LZTFL1: variants seen among roughly 807,000 people sequenced by gnomAD.
LZTFL1 encodes leucine zipper transcription factor like 1, also known as leucine zipper transcription factor-like protein 1.
LZTFL1 carries 25 observed loss-of-function variants against 45.9 expected under a neutral mutation model. The ratio of observed to expected loss-of-function variants is 0.54; its 90% CI spans 0.40 to 0.76. LZTFL1 has a LOEUF of 0.76. Ranked by LOEUF, LZTFL1 falls within the 30% of genes least tolerant of loss-of-function variation. The pLI is 0.00. For synonymous variants in LZTFL1, 93 were observed against 117.4 expected (o/e 0.79, Z 1.35); for missense variants, 277 against 331.1 (o/e 0.84, Z 1.27).
chr3:45,898,085 G>A (rs1320078338), intron 2 of LZTFL1, among the ~76,000 whole-genome samples: 1 of 151,460 alleles, frequency 6.6e-6, no homozygotes, highest in Non-Finnish European at 1.5e-5. Flanking sequence ...TTCACAGTCG[G>A]TACTTGCTCA....
chr3:45,840,564 G>A (rs189086014), intron 1 of LZTFL1, among the ~76,000 whole-genome samples: 5 of 152,158 alleles, frequency 3.3e-5, no homozygotes, highest in Non-Finnish European at 7.4e-5. Context: ...ACAATGGGAG[G>A]TATCCAAGTG....
At chr3:45,910,629 T>G (rs899864672) in intron 2 of LZTFL1, among the ~76,000 whole-genome samples, 3 of 152,116 alleles carry the variant, frequency 2.0e-5, no homozygotes, top group African/African-American at 7.2e-5. Flanking sequence ...AGGTGAAACT[T>G]GTGTCAGGTT....
rs551432132 is a variant in LZTFL1, at chr3:45,889,339, C to CTAG, written c.-215+23778_-215+23780dup. Among the ~76,000 whole-genome samples, 151 of 152,178 alleles carry CTAG rather than the reference C, an allele frequency of 9.9e-4. 2 individuals carry two copies. The highest frequency in any genetic ancestry group is 1.5e-3 in the Non-Finnish European group (104 of 67,994). On this transcript the variant is annotated intron_variant, in intron 2 of 4. Coordinates refer to the LZTFL1 transcript ENST00000472635. Reference sequence around the variant, plus strand: ...AATAAAGAGAAACCTTTATAGAAAGCTAGTGTACAACTTAGTTGCATAAAG... The same window carrying CTAG: ...AATAAAGAGAAACCTTTATAGAAAGCTAGTAGTGTACAACTTAGTTGCATAAAG...
chr3:45,842,012 G>C lies in LZTFL1; in HGVS notation c.-21C>G, dbSNP rs567369146. 1 of 1,608,728 alleles carries C rather than the reference G, an allele frequency of 6.2e-7. No individual in the cohort carries two copies. Among genetic ancestry groups the C allele is most frequent in the South Asian group, 1.1e-5 (1 of 90,694 alleles). On this transcript the variant is annotated 5_prime_UTR_variant, in exon 1 of 10. Transcript: ENST00000296135. ...ACCATGGCGGCAGGCAGCGGCGGCA[G>C]CCTAAAGGAACGGGAGAGGCCAGGC...
At chr3:45,870,949 A>G (rs534340086) in intron 2 of LZTFL1, among the ~76,000 whole-genome samples, 198 of 152,360 alleles carry the variant, frequency 1.3e-3, no homozygotes, top group Admixed American at 2.6e-3. Flanking sequence ...ATACCATCAT[A>G]TTGAACATAC....
chr3:45,915,080 A>G (rs1702872031), intron 1 of LZTFL1, among the ~76,000 whole-genome samples: 1 of 152,098 alleles, frequency 6.6e-6, no homozygotes, highest in African/African-American at 2.4e-5. Context: ...TTGTCTTTCC[A>G]CATCAGCAGT....
chr3:45,858,010 TTAATGTCTGC>T (rs989300935), intron 3 of LZTFL1, among the ~76,000 whole-genome samples: 2 of 152,236 alleles, frequency 1.3e-5, no homozygotes, highest in Non-Finnish European at 2.9e-5. Context: ...AATGCTGGTT[TTAATGTCTGC>T]TAATTTTGTG....
chr3:45,845,603 T>A (rs568565244), upstream of LZTFL1, among the ~76,000 whole-genome samples: 2 of 152,318 alleles, frequency 1.3e-5, no homozygotes, highest in African/African-American at 4.8e-5. Flanking sequence ...AAAAGAGATA[T>A]ACTGACAGCT....
chr3:45,855,370 T>C (rs1701374982), intron 3 of LZTFL1, among the ~76,000 whole-genome samples: 1 of 152,232 alleles, frequency 6.6e-6, no homozygotes, highest in Non-Finnish European at 1.5e-5. Context: ...CATCTCTTCA[T>C]GTTAAAAACT....
intron 1 of LZTFL1, chr3:45,913,242 C>A: frequency 9.1e-7 from 1 of 1,094,890 alleles, no homozygotes; most frequent in South Asian, 1.4e-5. Flanking sequence ...CAAACCAGTG[C>A]TGCAATGAGC....
chr3:45,885,146 T>C (rs1169713910), intron 2 of LZTFL1, among the ~76,000 whole-genome samples: 4 of 151,954 alleles, frequency 2.6e-5, no homozygotes, highest in Non-Finnish European at 5.9e-5. Context: ...GAACTGAGGG[T>C]GATGAAGGGG....
intron 2 of LZTFL1, among the ~76,000 whole-genome samples, chr3:45,908,180 C>T (rs1229406713): frequency 1.3e-5 from 2 of 152,142 alleles, no homozygotes; most frequent in Admixed American, 6.5e-5. Flanking sequence ...GCAAGGGATG[C>T]TGTGCCAGTT....
In LZTFL1 at chr3:45,901,690, T is replaced by C; in HGVS notation, c.-215+11430A>G. ...ACCAACATTGACATCTGCTTCCAGGTCACCCAGACCATCGCCTTCTTCCAC... is the reference window on the plus strand; with the variant it reads ...ACCAACATTGACATCTGCTTCCAGGCCACCCAGACCATCGCCTTCTTCCAC... On this transcript the variant is annotated intron_variant, in intron 2 of 4. Transcript: ENST00000472635. The surrounding 1 kb of genome is among the most constrained non-coding windows in gnomAD (Gnocchi z 4.3). 6.2e-7 allele frequency: 1 copy of C among 1,614,084 alleles called. No individual in the cohort carries two copies. Among genetic ancestry groups the C allele is most frequent in the Non-Finnish European group, 8.5e-7 (1 of 1,179,928 alleles).
chr3:45,876,145 C>G (rs1320433097), intron 2 of LZTFL1, among the ~76,000 whole-genome samples: 1 of 152,110 alleles, frequency 6.6e-6, no homozygotes, highest in African/African-American at 2.4e-5. Flanking sequence ...CTTTCCTGGA[C>G]CAGGGTGGGA....
At chr3:45,894,929 C>T (rs1172646402) in intron 2 of LZTFL1, 6 of 1,613,942 alleles carry the variant, frequency 3.7e-6, no homozygotes, top group East Asian at 2.2e-5. Context: ...TCTGACTGAC[C>T]CACCATGACA....
At chr3:45,830,173 GGTTTGTT>G (rs1700777277) in intron 7 of LZTFL1, among the ~76,000 whole-genome samples, 1 of 152,136 alleles carries the variant, frequency 6.6e-6, no homozygotes, top group Non-Finnish European at 1.5e-5. Flanking sequence ...GCAGATTTTG[GGTTTGTT>G]TACCAGACAT....
chr3:45,855,085 A>T (rs1332066297), intron 3 of LZTFL1: 1 of 1,471,068 alleles, frequency 6.8e-7, no homozygotes, highest in Non-Finnish European at 9.2e-7. Context: ...CTAGAAAATG[A>T]GAGTTCGAGT....
chr3:45,834,026 T>C (rs1354570112), intron 4 of LZTFL1, among the ~76,000 whole-genome samples: 4 of 152,244 alleles, frequency 2.6e-5, no homozygotes, highest in African/African-American at 9.6e-5. Context: ...TGTGTATGTG[T>C]AAGCCATCAC....
intron 2 of LZTFL1, among the ~76,000 whole-genome samples, chr3:45,908,296 G>C (rs536345211): frequency 2.1e-4 from 32 of 152,312 alleles, no homozygotes; most frequent in African/African-American, 7.7e-4. Context: ...TGCCCACCCT[G>C]AGACCACCGT....
Sources: allele counts gnomAD v4.1 joint callset (sites outside exome capture counted in the v4.1 genomes callset), GRCh38; gene constraint gnomAD v4.1.1; non-coding constraint Gnocchi (gnomAD v3.1); transcripts MANE v1.5; gene names NCBI Gene and HGNC (gene_info 2026-07-23, HGNC 2026-07-21).